The following CFAP65 variants were observed in gnomAD, a reference collection of about 807,000 sequenced individuals.
CFAP65 encodes cilia- and flagella-associated protein 65.
A neutral mutation model predicts 208.0 loss-of-function variants in CFAP65; 155 were observed. The ratio of observed to expected loss-of-function variants is 0.75; its 90% CI spans 0.65 to 0.85. The LOEUF is 0.85. Among genes scored for constraint, CFAP65 ranks in the 40% least tolerant of loss-of-function variants. CFAP65 has a pLI of 0.00. For synonymous variants in CFAP65, 970 were observed against 986.3 expected (o/e 0.98, Z 0.31); for missense variants, 2,294 against 2,451.3 (o/e 0.94, Z 1.36).
At chr2:219,035,916 C>T (rs1424783065) in intron 4 of CFAP65, among the ~76,000 whole-genome samples, 1 of 152,174 alleles carries the variant, frequency 6.6e-6, no homozygotes, top group East Asian at 1.9e-4. Context: ...AGAGCCCCTG[C>T]CCCTGAAGCC....
chr2:219,008,945 CTGGTTTGGCCTGGAGGGCCACCT>C (rs1394150153), intron 29 of CFAP65, 79 bp downstream of exon 29: 4 of 849,164 alleles, frequency 4.7e-6, no homozygotes, highest in Non-Finnish European at 7.8e-6. Context: ...GGCAGGCTGG[CTGGTTTGGCCTGGAGGGCCACCT>C]TGGCCCACTA....
Position 219,003,047 on chromosome 2 carries a change from G to A in CFAP65, c.5694-26C>T. ...CTGGAAGACAAAAAGTCCCAGGTAGGCGTGGGGGCGAGGCTTCGGGCAGAG... is the reference window on the plus strand; with the variant it reads ...CTGGAAGACAAAAAGTCCCAGGTAGACGTGGGGGCGAGGCTTCGGGCAGAG... On this transcript the variant is annotated intron_variant, in intron 34 of 34. Transcript: ENST00000341552. This position sits in a 1 kb window ranked among gnomAD's most constrained non-coding sequence, Gnocchi z 4.4. 6.4e-7 allele frequency: 1 copy of A among 1,552,076 alleles called. No individual in the cohort carries two copies. The highest frequency in any genetic ancestry group is 8.7e-7 in the Non-Finnish European group (1 of 1,147,150).
chr2:219,030,610 G>T, intron 9 of CFAP65, 79 bp downstream of exon 9: 1 of 1,538,608 alleles, frequency 6.5e-7, no homozygotes, highest in Non-Finnish European at 8.8e-7. Flanking sequence ...GAAAGGGGGG[G>T]CATTCTGCAA....
chr2:219,014,277 G>A (rs1453980724), intron 21 of CFAP65: 1 of 393,762 alleles, frequency 2.5e-6, no homozygotes, highest in African/African-American at 2.0e-5. Flanking sequence ...CTCAAGAAGT[G>A]AAGAGTGGGG....
rs200117910 is a variant in CFAP65, at chr2:219,029,609, G to C, written c.1444C>G (p.Arg482Gly). The change falls in exon 11 of 35, where the codon CGC becomes GGC. Residue 482 changes from arginine to glycine, a missense_variant. By Grantham distance (125) the Arg-to-Gly change is moderately radical (BLOSUM62 -2). Around this residue, in one of 2 missense-constraint regions of CFAP65, gnomAD observed 867 missense variants for 1,012.6 expected, o/e 0.86. Coordinates refer to ENST00000341552, the MANE Select transcript of CFAP65 (RefSeq NM_194302.4). ...TCAATCCACAGGGGCTGCTCGGAGC[G>C]CTCCCCAAGGTTGACCCAGCTGAAG... ...VNFSWVNLGE[R>G]SEQPLWIENQ... 6 of 1,613,918 alleles carry C rather than the reference G, an allele frequency of 3.7e-6. No individual in the cohort carries two copies. In the African/African-American group the frequency reaches 4.0e-5, roughly 11 times the overall value.
intron 10 of CFAP65, 128 bp downstream of exon 10, chr2:219,029,858 C>A: frequency 8.8e-7 from 1 of 1,129,980 alleles, no homozygotes; most frequent in South Asian, 1.5e-5. Flanking sequence ...CACAGGGCCA[C>A]CAGGGGGCAG....
rs1284872732 is a variant in CFAP65, at chr2:219,022,334, G to A, written c.2821-5C>T. 5.0e-6 allele frequency: 8 copies of A among 1,592,244 alleles called. No individual in the cohort carries two copies. In the African/African-American group the frequency reaches 9.4e-5, roughly 19 times the overall value. On this transcript the variant is annotated splice_polypyrimidine_tract_variant and splice_region_variant and intron_variant, in intron 16 of 34. Coordinates refer to ENST00000341552, the MANE Select transcript of CFAP65 (RefSeq NM_194302.4). Reference sequence around the variant, plus strand: ...GCTGAAGGTCCACGTCAGCGTCTGGGGTCACAGAAATGATCCCTGCAGTGG... The same window carrying A: ...GCTGAAGGTCCACGTCAGCGTCTGGAGTCACAGAAATGATCCCTGCAGTGG...
intron 3 of CFAP65, 137 bp from the exon 4 acceptor site, chr2:219,038,715 CATGAGGA>C (rs1485539045): frequency 3.6e-6 from 4 of 1,110,314 alleles, no homozygotes. Context: ...TACCTGGCAC[CATGAGGA>C]ATGAGGCTGT....
In CFAP65 at chr2:219,037,112, C is replaced by T. The variant is rs573287461; in HGVS notation, c.357+1263G>A. On this transcript the variant is annotated intron_variant, in intron 4 of 34. Transcript: ENST00000341552. ...GTTTAAAATAGGGAATTTACTGTGG[C>T]CGGGTGCAGTGGCTCACGCCTGTAA... Among the ~76,000 whole-genome samples the T allele has an allele frequency of 2.0e-3, 310 of 152,292 alleles. 12 individuals carry two copies. The South Asian group carries it at 0.061, about 30-fold the overall frequency.
Position 219,029,999 on chromosome 2 carries a change from A to G in CFAP65, c.1371T>C (p.Val457=). 6.2e-7 allele frequency: 1 copy of G among 1,613,932 alleles called. No homozygotes were observed. Among genetic ancestry groups the G allele is most frequent in the East Asian group, 2.2e-5 (1 of 44,842 alleles). ...GCASKTLLKV[V]GFCRGPAVSL... ...GGTCACCGGTACCTCTACAGAAACCAACGACTTTAAGCAGGGTCTTGGAGG... is the reference window on the plus strand; with the variant it reads ...GGTCACCGGTACCTCTACAGAAACCGACGACTTTAAGCAGGGTCTTGGAGG... Residue 457 remains valine (V), a synonymous_variant, in exon 10 of 35, where the codon GTT becomes GTC. Coordinates refer to ENST00000341552, the MANE Select transcript of CFAP65 (RefSeq NM_194302.4).
intron 21 of CFAP65, among the ~76,000 whole-genome samples, chr2:219,016,397 C>T (rs1475188448): frequency 6.8e-6 from 1 of 147,160 alleles, no homozygotes; most frequent in East Asian, 2.0e-4. Context: ...CAGGTTTAAG[C>T]AATTCTCCTG....
rs2106087413 is a variant in CFAP65, at chr2:219,009,433, C to G, written c.4480G>C (p.Val1494Leu). 6.2e-7 allele frequency: 1 copy of G among 1,612,466 alleles called. No individual in the cohort carries two copies. Among genetic ancestry groups the G allele is most frequent in the South Asian group, 1.1e-5 (1 of 91,068 alleles). The change falls in exon 28 of 35, where the codon GTG becomes CTG. Residue 1494 changes from valine (V) to leucine (L), a missense_variant. Physicochemically the swap from Val to Leu is conservative, Grantham distance 32. This residue lies in a region of CFAP65 where 1,427 missense variants were observed against 1,438.7 expected (regional missense o/e 0.99). Transcript: ENST00000341552. Reference protein sequence around the residue: ...EVSVSPMIGVVAPEETVPFVV... With the variant: ...EVSVSPMIGVLAPEETVPFVV... ...AATGGGACCGTCTCTTCAGGAGCCA[C>G]CACCCCTATCATGGGACTCACAGAC...
At position 219,031,802 on chromosome 2, in the gene CFAP65, G is replaced by A; in HGVS notation, c.646-144C>T. ...CCACGTCAGACTCTGAGGGGAGCTG[G>A]GCACCTATGTTGTCTTGGTCTCAAA... is the stretch of plus-strand genomic sequence containing the variant. On this transcript the variant is annotated intron_variant, in intron 6 of 34. Transcript: ENST00000341552. The surrounding 1 kb of genome is among the most constrained non-coding windows in gnomAD (Gnocchi z 5.2). The A allele has an allele frequency of 1.1e-6, 1 of 909,528 alleles. No individual in the cohort carries two copies. Among genetic ancestry groups the A allele is most frequent in the Middle Eastern group, 3.5e-4 (1 of 2,896 alleles). 56.3% of individuals were successfully genotyped at this position (909,528 alleles called of 1,614,324 possible). A position where few individuals can be genotyped will look rare whatever the true frequency, so the allele number is the denominator to read the frequency against.
chr2:219,038,378 G>A lies in CFAP65; in HGVS notation c.354C>T (p.Ala118=), dbSNP rs1391107323. The A allele has an allele frequency of 2.5e-6, 4 of 1,612,308 alleles. No individual in the cohort carries two copies. The highest frequency in any genetic ancestry group is 3.4e-6 in the Non-Finnish European group (4 of 1,179,812). The change falls in exon 4 of 35, where the codon GCC becomes GCT. Residue 118 remains alanine (A), a synonymous_variant. Transcript: ENST00000341552. ...CCTGCCCTGGCTGTATCCTTACCTG[G>A]GCGCTGATGGTGCTGCAGGCACTCA... ...AAMSACSTIS[A]QPASSMDTQM...
intron 24 of CFAP65, 45 bp from the exon 25 acceptor site, chr2:219,011,041 T>C: frequency 6.5e-7 from 1 of 1,538,490 alleles, no homozygotes; most frequent in South Asian, 1.2e-5. Flanking sequence ...AGCTCAGCAC[T>C]GCAAATCAGA....
At chr2:219,028,445 A>C in intron 11 of CFAP65, 44 bp from the exon 12 acceptor site, 119 of 1,130,834 alleles carry the variant, frequency 1.1e-4, no homozygotes, top group Non-Finnish European at 1.4e-4. Context: ...GAGGGGTGGT[A>C]GGGCAAGGGG....
intron 29 of CFAP65, among the ~76,000 whole-genome samples, chr2:219,007,782 T>A (rs1574521347): frequency 1.3e-5 from 2 of 152,136 alleles, no homozygotes; most frequent in East Asian, 3.9e-4. Context: ...AAAGCAGATA[T>A]CTCACTCACA....
intron 14 of CFAP65, among the ~76,000 whole-genome samples, chr2:219,024,479 G>C (rs1357086056): frequency 3.6e-5 from 5 of 138,014 alleles, no homozygotes; most frequent in African/African-American, 8.1e-5. Context: ...AAGGGGCGGG[G>C]GGGGGGCAGG....
chr2:219,030,994 G>A lies in CFAP65; in HGVS notation c.1015+112C>T. ...CTTCTGGGCTTGGGGGAGGGCAGGA[G>A]GCCGGTGGAGGCGGGGGCCAGGCCA... On this transcript the variant is annotated intron_variant, in intron 8 of 34. Coordinates refer to ENST00000341552, the MANE Select transcript of CFAP65 (RefSeq NM_194302.4). 2.8e-6 allele frequency: 4 copies of A among 1,420,408 alleles called. No individual in the cohort carries two copies. The Admixed American group carries it at 8.6e-5, about 31-fold the overall frequency. The allele number at this position is 1,420,408 out of a possible 1,614,324, so 88.0% of individuals were successfully genotyped here.
Sources: allele counts gnomAD v4.1 joint callset (sites outside exome capture counted in the v4.1 genomes callset), GRCh38; gene constraint gnomAD v4.1.1; regional missense constraint gnomAD v4.1.1; non-coding constraint Gnocchi (gnomAD v3.1); transcripts MANE v1.5; gene names NCBI Gene and HGNC (gene_info 2026-07-23, HGNC 2026-07-21).